The following DEPDC5 variants were observed in gnomAD, a reference collection of about 807,000 sequenced individuals.
The protein encoded by DEPDC5 is DEP domain containing 5, GATOR1 subcomplex subunit, also known as GATOR1 complex protein DEPDC5.
Under a neutral mutation model 217.3 loss-of-function variants are expected in DEPDC5, and 73 were observed. The observed-to-expected ratio is 0.34, with a 90% CI of 0.28 to 0.41. The LOEUF is 0.41. Among genes scored for constraint, DEPDC5 ranks in the 10% least tolerant of loss-of-function variants. The pLI is 1.00. For missense variants in DEPDC5, 1,675 were observed against 2,070.1 expected, an observed-to-expected ratio of 0.81 and a Z score of 3.70; for synonymous variants, 733 against 756.7, an observed-to-expected ratio of 0.97 and a Z score of 0.51.
chr22:31,892,513 G>A (rs1173549849), intron 38 of DEPDC5, among the ~76,000 whole-genome samples: 3 of 151,994 alleles, frequency 2.0e-5, no homozygotes, highest in African/African-American at 4.8e-5. Context: ...GCAAAACCCC[G>A]TCTCTACTAA....
chr22:31,758,801 T>TC (rs1361029878), intron 3 of DEPDC5, among the ~76,000 whole-genome samples, 168 bp downstream of exon 3: 1 of 151,940 alleles, frequency 6.6e-6, no homozygotes, highest in African/African-American at 2.4e-5. Context: ...GCCCGGGAGT[T>TC]CGAGACCAGC....
chr22:31,800,531 G>T (rs1186448690), intron 14 of DEPDC5, among the ~76,000 whole-genome samples: 1 of 152,068 alleles, frequency 6.6e-6, no homozygotes, highest in African/African-American at 2.4e-5. Context: ...TCAGGAACTG[G>T]AAGGATCTTC....
chr22:31,861,476 G>C (rs912608336), intron 33 of DEPDC5, 43 bp downstream of exon 33: 63 of 1,540,462 alleles, frequency 4.1e-5, no homozygotes, highest in Non-Finnish European at 5.5e-5. Flanking sequence ...CCCACTGGCA[G>C]ACGCCATGAG....
Position 31,857,484 on chromosome 22 carries a change from G to C in DEPDC5, c.3195G>C (p.Lys1065Asn). 6.2e-7 allele frequency: 1 copy of C among 1,611,664 alleles called. No individual in the cohort carries two copies. The highest frequency in any genetic ancestry group is 8.5e-7 in the Non-Finnish European group (1 of 1,179,078). Residue 1065 changes from lysine (K) to asparagine (N), a missense_variant, in exon 32 of 43, where the codon AAG becomes AAC. Lys to Asn is a moderately conservative substitution (Grantham distance 94). Transcript: ENST00000651528. ...GEQQAAVHGGKSSAQSAESSS... is the reference protein window; with the variant it reads ...GEQQAAVHGGNSSAQSAESSS... ...AGCAGGCAGCTGTGCATGGTGGGAA[G>C]AGCTCCGCCCAGTCAGCCGAGAGCA...
Position 31,843,802 on chromosome 22 carries a change from G to A in DEPDC5, c.2791G>A (p.Glu931Lys). Reference sequence around the variant, plus strand: ...TCAGTATATCTGTTCTGCCGGCTCTGAAGACTTCAGGTCAGAGAGTGGGCT... The same window carrying A: ...TCAGTATATCTGTTCTGCCGGCTCTAAAGACTTCAGGTCAGAGAGTGGGCT... ...LDQYICSAGSEDFSLIESLKF... is the reference protein window; with the variant it reads ...LDQYICSAGSKDFSLIESLKF... The change falls in exon 29 of 43, where the codon GAA (glutamate) becomes AAA (lysine). Residue 931 changes from glutamate to lysine, a missense_variant. Physicochemically the swap from Glu to Lys is moderately conservative, Grantham distance 56 (BLOSUM62 1). Around this residue, in one of 11 missense-constraint regions of DEPDC5, gnomAD observed 293 missense variants for 386.1 expected, o/e 0.76. Coordinates refer to ENST00000651528, the MANE Select transcript of DEPDC5 (RefSeq NM_001242896.3). The A allele has an allele frequency of 6.2e-7, 1 of 1,602,386 alleles. No homozygotes were observed. The highest frequency in any genetic ancestry group is 8.5e-7 in the Non-Finnish European group (1 of 1,170,282).
chr22:31,840,892 A>T (rs2091348549), intron 27 of DEPDC5, among the ~76,000 whole-genome samples: 1 of 152,244 alleles, frequency 6.6e-6, no homozygotes. Context: ...TGGCAGAGTC[A>T]GATGTTAAAC....
chr22:31,874,229 G>T, intron 35 of DEPDC5, 44 bp from the exon 36 acceptor site: 1 of 1,586,944 alleles, frequency 6.3e-7, no homozygotes, highest in Non-Finnish European at 8.6e-7. Context: ...GTTGCCATGG[G>T]GCACACACAT....
At chr22:31,851,313 A>G (rs985136784) in intron 31 of DEPDC5, among the ~76,000 whole-genome samples, 3 of 152,342 alleles carry the variant, frequency 2.0e-5, no homozygotes, top group African/African-American at 7.2e-5. Flanking sequence ...TTGGTTGGGA[A>G]GGCAGGAAGA....
In DEPDC5 at chr22:31,765,048, C is replaced by T. The variant is rs780263580; in HGVS notation, c.267C>T (p.Val89=). ...LRPYQDVYVN[V]VDPKDVTLDL... is the part of the protein sequence containing the mutation. ...CTTATCAGGATGTCTATGTTAATGT[C>T]GTAGACCCTAAGGTATGTCTTTGTT... is the stretch of plus-strand genomic sequence containing the variant. Residue 89 remains valine, a synonymous_variant, in exon 5 of 43, where the codon GTC becomes GTT. Transcript: ENST00000651528. 15 of 1,613,398 alleles carry T rather than the reference C, an allele frequency of 9.3e-6. No individual in the cohort carries two copies. In the East Asian group the frequency reaches 1.3e-4, roughly 14 times the overall value.
intron 33 of DEPDC5, among the ~76,000 whole-genome samples, chr22:31,869,656 A>G (rs1430692079): frequency 6.6e-6 from 1 of 151,190 alleles, no homozygotes; most frequent in Non-Finnish European, 1.5e-5. Flanking sequence ...CATAGACAGG[A>G]TTTATACACA....
chr22:31,856,189 A>ACT (rs1555907107), intron 31 of DEPDC5, among the ~76,000 whole-genome samples: 3 of 144,900 alleles, frequency 2.1e-5, no homozygotes, highest in South Asian at 2.2e-4. Flanking sequence ...ACACACACAC[A>ACT]CTTCATTGCC....
rs1002553391 is a variant in DEPDC5 at position 31,811,975 on chromosome 22, T to C, written c.1445+1334T>C. Among the ~76,000 whole-genome samples, 2 of 152,162 alleles carry C rather than the reference T, an allele frequency of 1.3e-5. 1 individual carries two copies. Among genetic ancestry groups the C allele is most frequent in the South Asian group, 4.1e-4 (2 of 4,832 alleles). ...CATATTTTCTTCAAATACTTTATAG[T>C]CTTGGCGGAATTTTTTTTTTCTTTT... On this transcript the variant is annotated intron_variant, in intron 20 of 42. Coordinates refer to ENST00000651528, the MANE Select transcript of DEPDC5 (RefSeq NM_001242896.3).
intron 40 of DEPDC5, among the ~76,000 whole-genome samples, chr22:31,899,399 T>C (rs569377275): frequency 3.9e-5 from 6 of 152,294 alleles, no homozygotes; most frequent in Admixed American, 3.3e-4. Context: ...CCTTTTTTTT[T>C]TCTTTTTGTG....
intron 24 of DEPDC5, among the ~76,000 whole-genome samples, chr22:31,832,484 A>C (rs1019942187): frequency 7.0e-6 from 1 of 143,152 alleles, no homozygotes; most frequent in African/African-American, 2.7e-5. Context: ...ATCTTACTGC[A>C]CTTTTTTTTT....
intron 25 of DEPDC5, 55 bp from the exon 26 acceptor site, chr22:31,836,915 CAT>C: frequency 4.6e-6 from 7 of 1,507,446 alleles, no homozygotes; most frequent in Non-Finnish European, 4.5e-6. Flanking sequence ...CCTGGCCCCC[CAT>C]CCCACACTTG....
chr22:31,857,060 C>T (rs2092331388), intron 31 of DEPDC5, among the ~76,000 whole-genome samples: 2 of 152,084 alleles, frequency 1.3e-5, no homozygotes, highest in Admixed American at 6.6e-5. Context: ...CATGAGCCAC[C>T]ACACAGTCTT....
At chr22:31,783,028 C>T (rs888518961) in intron 8 of DEPDC5, among the ~76,000 whole-genome samples, 1 of 152,102 alleles carries the variant, frequency 6.6e-6, no homozygotes, top group Non-Finnish European at 1.5e-5. Flanking sequence ...CTTCCTGGGT[C>T]GAGTGGGGAC....
chr22:31,887,726 C>T (rs748452167), intron 38 of DEPDC5, among the ~76,000 whole-genome samples: 23 of 152,090 alleles, frequency 1.5e-4, no homozygotes, highest in Admixed American at 4.6e-4. Context: ...CCTTTTAAAC[C>T]TGATATGGCC....
intron 38 of DEPDC5, among the ~76,000 whole-genome samples, chr22:31,888,214 T>C (rs1424886938): frequency 6.7e-6 from 1 of 149,878 alleles, no homozygotes; most frequent in Non-Finnish European, 1.5e-5. Flanking sequence ...CACATGCCTT[T>C]CCTTCTCAGC....
Sources: allele counts gnomAD v4.1 joint callset (sites outside exome capture counted in the v4.1 genomes callset), GRCh38; gene constraint gnomAD v4.1.1; regional missense constraint gnomAD v4.1.1; transcripts MANE v1.5; gene names NCBI Gene and HGNC (gene_info 2026-07-23, HGNC 2026-07-21).